The following CDC27 variants were observed in gnomAD, a reference collection of about 807,000 sequenced individuals.
CDC27 encodes the protein cell division cycle 27.
Under a neutral mutation model 109.7 loss-of-function variants are expected in CDC27, and 27 were observed. That is an observed-to-expected ratio of 0.25 (90% CI 0.18 to 0.34). The LOEUF is 0.34. Among genes scored for constraint, CDC27 ranks in the 10% least tolerant of loss-of-function variants. The pLI is 1.00. For missense variants in CDC27, 579 were observed against 960.2 expected (o/e 0.60, Z 5.25); for synonymous variants, 266 against 333.9 (o/e 0.80, Z 2.22).
At chr17:47,124,557 T>G (rs913817757) in intron 16 of CDC27, among the ~76,000 whole-genome samples, 1 of 152,194 alleles carries the variant, frequency 6.6e-6, no homozygotes, top group East Asian at 1.9e-4. Context: ...GTGCTGGGAT[T>G]ACAGGCGTGA....
chr17:47,137,373 G>A lies in CDC27; in HGVS notation c.1705-13C>T. 3 of 1,513,926 alleles carry A rather than the reference G, an allele frequency of 2.0e-6. No individual in the cohort carries two copies. The highest frequency in any genetic ancestry group is 1.8e-4 in the Middle Eastern group (1 of 5,560). The allele number at this position is 1,513,926 out of a possible 1,614,324, so 93.8% of individuals were successfully genotyped here. A position where few individuals can be genotyped will look rare whatever the true frequency, so the allele number is the denominator to read the frequency against. On this transcript the variant is annotated splice_polypyrimidine_tract_variant and intron_variant, in intron 13 of 18. Transcript: ENST00000066544. ...CAGCACACCAGGCCTTAAAAAAATG[G>A]GAACAAAAACCAAACAGAATTAAAA...
intron 16 of CDC27, among the ~76,000 whole-genome samples, chr17:47,127,733 A>G (rs1244884502): frequency 1.3e-5 from 2 of 151,640 alleles, no homozygotes; most frequent in Non-Finnish European, 2.9e-5. Flanking sequence ...GACAGGGTCT[A>G]GCTTTGTGGC....
intron 2 of CDC27, among the ~76,000 whole-genome samples, chr17:47,172,648 AATTAC>A (rs1474026683): frequency 2.0e-5 from 3 of 152,236 alleles, no homozygotes; most frequent in Admixed American, 6.5e-5. Flanking sequence ...ACAATAATTA[AATTAC>A]ATTACAATAG....
In CDC27 at chr17:47,130,946, C is replaced by T. The variant is rs116224080; in HGVS notation, c.2031+1311G>A. Among the ~76,000 whole-genome samples the T allele has an allele frequency of 8.5e-3, 1,286 of 151,456 alleles. 21 individuals are homozygous for T. Among genetic ancestry groups the T allele is most frequent in the African/African-American group, 0.029 (1,193 of 41,296 alleles). ...TATGAATGTGGCTGCAGAACTTTAA[C>T]AAATATCATGGTCATAAGAATGTGA... On this transcript the variant is annotated intron_variant, in intron 15 of 18. Coordinates refer to ENST00000066544, the MANE Select transcript of CDC27 (RefSeq NM_001256.6).
chr17:47,151,974 A>G, intron 8 of CDC27, 56 bp from the exon 9 acceptor site: 1 of 1,503,134 alleles, frequency 6.7e-7, no homozygotes, highest in South Asian at 1.4e-5. Context: ...TGTAAATGAT[A>G]AAAGACAACA....
rs1295546874 is a variant in CDC27, at chr17:47,189,216, C to T, written c.-44G>A. 1.9e-6 allele frequency: 3 copies of T among 1,548,092 alleles called. No individual in the cohort carries two copies. The highest frequency in any genetic ancestry group is 2.7e-6 in the Non-Finnish European group (3 of 1,120,042). The stretch of plus-strand genomic sequence containing the variant: ...CTTTCTGCAGTGCCTCAGGCCCCCC[C>T]TGTAGCGGCTCCGGCCCGGCCAGCC... On this transcript the variant is annotated 5_prime_UTR_variant, in exon 1 of 19. Transcript: ENST00000066544.
At chr17:47,171,876 G>GTT (rs1314751623) in intron 3 of CDC27, 41 bp downstream of exon 3, 1 of 1,420,306 alleles carries the variant, frequency 7.0e-7, no homozygotes, top group South Asian at 1.3e-5. Flanking sequence ...ATTCAACAGT[G>GTT]TAAGTAAAAC....
At chr17:47,182,204 C>A (rs2064269432) in intron 1 of CDC27, among the ~76,000 whole-genome samples, 1 of 152,198 alleles carries the variant, frequency 6.6e-6, no homozygotes, top group Non-Finnish European at 1.5e-5. Context: ...CCACTCAATT[C>A]TCATCCACTC....
chr17:47,158,740 T>A (rs1356162638), intron 4 of CDC27, among the ~76,000 whole-genome samples: 1 of 151,854 alleles, frequency 6.6e-6, no homozygotes, highest in Admixed American at 6.6e-5. Flanking sequence ...TACCTCAGCC[T>A]CCTGAACAGC....
At chr17:47,181,069 T>C (rs530738805) in intron 2 of CDC27, among the ~76,000 whole-genome samples, 48 of 139,524 alleles carry the variant, frequency 3.4e-4, no homozygotes, top group African/African-American at 1.1e-3. Context: ...CTGGGCAACA[T>C]AGCAAAACCC....
intron 4 of CDC27, among the ~76,000 whole-genome samples, chr17:47,166,214 T>G (rs1408578700): frequency 6.6e-6 from 1 of 152,218 alleles, no homozygotes; most frequent in Non-Finnish European, 1.5e-5. Context: ...GAGGAGTATT[T>G]CTTCTTGTTC....
intron 16 of CDC27, among the ~76,000 whole-genome samples, chr17:47,128,708 G>T (rs1158835529): frequency 6.6e-6 from 1 of 151,870 alleles, no homozygotes; most frequent in East Asian, 1.9e-4. Context: ...CACATACTGG[G>T]TAATCAATAA....
chr17:47,123,774 CTTTAG>C lies in CDC27; in HGVS notation c.2235+107_2235+111del, dbSNP rs748553753. ...TATTCCCAGAGCACTCAGTTCGGAG[CTTTAG>C]TTTAATTTGCTCAATAGATATGTAC... On this transcript the variant is annotated intron_variant, in intron 17 of 18. Transcript: ENST00000066544. The C allele has an allele frequency of 1.1e-5, 7 of 657,542 alleles. No homozygotes were observed. In the South Asian group the frequency reaches 1.4e-4, roughly 13 times the overall value. The allele number at this position is 657,542 out of a possible 1,614,324, so 40.7% of individuals were successfully genotyped here.
Position 47,170,277 on chromosome 17 carries a change from G to A in CDC27, c.252-235C>T, listed in dbSNP as rs11570472. The A allele has an allele frequency of 6.7e-3, 1,735 of 260,158 alleles. 55 individuals carry two copies. Among genetic ancestry groups the A allele is most frequent in the East Asian group, 0.064 (958 of 14,980 alleles). The allele number at this position is 260,158 out of a possible 1,614,324, so 16.1% of individuals were successfully genotyped here. On this transcript the variant is annotated intron_variant, in intron 3 of 18. Coordinates refer to ENST00000066544, the MANE Select transcript of CDC27 (RefSeq NM_001256.6). ...GCAGTAGTACAATCATAGTTCACAT[G>A]GCCTCAAATTCCTGGACTCAGGTGA...
Position 47,180,715 on chromosome 17 carries a change from T to C in CDC27, c.103+847A>G, listed in dbSNP as rs149334649. On this transcript the variant is annotated intron_variant, in intron 2 of 18. Transcript: ENST00000066544. ...CATTATCAGTGGTGTTTATTAAGCATTGATTACCAAGCCAGATGGCTGTGC... is the reference window on the plus strand; with the variant it reads ...CATTATCAGTGGTGTTTATTAAGCACTGATTACCAAGCCAGATGGCTGTGC... Among the ~76,000 whole-genome samples, 788 of 152,074 alleles carry C rather than the reference T, an allele frequency of 5.2e-3. 2 individuals carry two copies. Among genetic ancestry groups the C allele is most frequent in the Non-Finnish European group, 7.5e-3 (508 of 68,004 alleles).
intron 4 of CDC27, among the ~76,000 whole-genome samples, chr17:47,166,375 T>G (rs1350484116): frequency 6.6e-6 from 1 of 152,198 alleles, no homozygotes; most frequent in Non-Finnish European, 1.5e-5. Context: ...TCATCTAAGT[T>G]GTTAAATTCA....
At position 47,178,557 on chromosome 17, in the gene CDC27, A is replaced by G. The variant is rs557337552; in HGVS notation, c.103+3005T>C. Among the ~76,000 whole-genome samples the G allele has an allele frequency of 4.3e-3, 639 of 148,536 alleles. 3 individuals are homozygous for G. Among genetic ancestry groups the G allele is most frequent in the Middle Eastern group, 0.01 (3 of 292 alleles). ...TAAATAAATAAATAAAAATAAGAAA[A>G]AAAAAAAAAAACCCTGAAAAGTCAC... On this transcript the variant is annotated intron_variant, in intron 2 of 18. Transcript: ENST00000066544.
chr17:47,185,682 G>A (rs1410825376), intron 1 of CDC27, among the ~76,000 whole-genome samples: 1 of 152,110 alleles, frequency 6.6e-6, no homozygotes, highest in East Asian at 1.9e-4. Context: ...GATTACAAGC[G>A]TGAGCCACTG....
At chr17:47,164,322 C>G (rs2048798046) in intron 4 of CDC27, among the ~76,000 whole-genome samples, 1 of 152,194 alleles carries the variant, frequency 6.6e-6, no homozygotes, top group African/African-American at 2.4e-5. Context: ...AAATCCCCAT[C>G]ATAAAGTGAC....
Sources: allele counts gnomAD v4.1 joint callset (sites outside exome capture counted in the v4.1 genomes callset), GRCh38; gene constraint gnomAD v4.1.1; transcripts MANE v1.5; gene names NCBI Gene and HGNC (gene_info 2026-07-23, HGNC 2026-07-21).